The following STX11 variants were observed in gnomAD, a reference collection of about 807,000 sequenced individuals.
The protein encoded by STX11 is syntaxin-11.
A neutral mutation model predicts 19.9 loss-of-function variants in STX11; 21 were observed. The observed-to-expected ratio is 1.06, with a 90% CI of 0.75 to 1.52. The LOEUF (loss-of-function observed/expected upper bound fraction) is 1.52, where lower values mean the gene tolerates loss of function less well. Among genes scored for constraint, STX11 ranks in the 40% most tolerant of loss-of-function variants. STX11 has a pLI of 0.00. For missense variants in STX11, 438 were observed against 405.9 expected, an observed-to-expected ratio of 1.08 and a Z score of -0.68; for synonymous variants, 193 against 174.4, an observed-to-expected ratio of 1.11 and a Z score of -0.84.
upstream of STX11, among the ~76,000 whole-genome samples, chr6:144,147,627 A>G (rs1800900873): frequency 6.6e-6 from 1 of 152,320 alleles, no homozygotes; most frequent in African/African-American, 2.4e-5. This position sits in a 1 kb window ranked among gnomAD's most constrained non-coding sequence, Gnocchi z 4.2. Flanking sequence ...AACTGCCTTC[A>G]TGACAACTTG....
chr6:144,173,164 G>T (rs180920597), intron 1 of STX11, among the ~76,000 whole-genome samples: 44 of 152,334 alleles, frequency 2.9e-4, no homozygotes, highest in Admixed American at 1.0e-3. Flanking sequence ...TGGGGACCCA[G>T]AGGCCTCTTT....
In STX11 at chr6:144,169,548, G is replaced by A. The variant is rs1188520377; in HGVS notation, c.-5-17075G>A. Among the ~76,000 whole-genome samples the A allele has an allele frequency of 6.6e-6, 1 of 152,066 alleles. No individual in the cohort carries two copies. The highest frequency in any genetic ancestry group is 6.6e-5 in the Admixed American group (1 of 15,258). On this transcript the variant is annotated intron_variant, in intron 1 of 1. Transcript: ENST00000367568. This position sits in a 1 kb window ranked among gnomAD's most constrained non-coding sequence, Gnocchi z 5.2. ...TTAAATGGCATGTGTTCAGTGTAAG[G>A]CTGATGGATCCACCCTTTCAATACA...
rs1801271162 is a variant in STX11, at chr6:144,159,330, A to C, written c.-6+8627A>C. 6.6e-6 allele frequency among the ~76,000 whole-genome samples: 1 copy of C among 152,250 alleles called. No homozygotes were observed. The highest frequency in any genetic ancestry group is 2.4e-5 in the African/African-American group (1 of 41,464). ...AAACAACTACCAATAAAATATGGTGAGTACCAGAAAAAGCGAAGTGAAATT... is the reference window on the plus strand; with the variant it reads ...AAACAACTACCAATAAAATATGGTGCGTACCAGAAAAAGCGAAGTGAAATT... On this transcript the variant is annotated intron_variant, in intron 1 of 1. Transcript: ENST00000367568. The surrounding 1 kb of genome is among the most constrained non-coding windows in gnomAD (Gnocchi z 4.3).
At chr6:144,143,316 G>A in the STX11 span, among the ~76,000 whole-genome samples, 1 of 152,160 alleles carries the variant, frequency 6.6e-6, no homozygotes, top group African/African-American at 2.4e-5. Context: ...TGGAGACTAT[G>A]CTCTAGCTAC....
intron 1 of STX11, among the ~76,000 whole-genome samples, chr6:144,173,606 A>G (rs141583363): frequency 6.6e-5 from 10 of 152,282 alleles, no homozygotes; most frequent in South Asian, 2.1e-4. Flanking sequence ...CAGAACTTCT[A>G]TGTAGTTATA....
rs901418183 is a variant in STX11, at chr6:144,154,001, C to T, written c.-6+3298C>T. Among the ~76,000 whole-genome samples, 1 of 152,162 alleles carries T rather than the reference C, an allele frequency of 6.6e-6. No individual in the cohort carries two copies. The highest frequency in any genetic ancestry group is 1.5e-5 in the Non-Finnish European group (1 of 68,020). ...AAATTTATTGAGTGCTTATTAAGGGCCATGTACTATCCTAGACTCACTATG... is the reference window on the plus strand; with the variant it reads ...AAATTTATTGAGTGCTTATTAAGGGTCATGTACTATCCTAGACTCACTATG... On this transcript the variant is annotated intron_variant, in intron 1 of 1. Transcript: ENST00000367568. The surrounding 1 kb of genome is among the most constrained non-coding windows in gnomAD (Gnocchi z 4.7).
intron 1 of STX11, among the ~76,000 whole-genome samples, chr6:144,179,516 C>T (rs542449028): frequency 1.1e-4 from 16 of 152,292 alleles, no homozygotes; most frequent in African/African-American, 3.8e-4. Context: ...TGACACTCTA[C>T]CTGTGGAATT....
intron 1 of STX11, among the ~76,000 whole-genome samples, chr6:144,171,624 AAGGACTCCTATTT>A (rs1332297980): frequency 2.6e-5 from 4 of 152,206 alleles, no homozygotes; most frequent in African/African-American, 9.7e-5. Context: ...CCCACTGCTC[AAGGACTCCTATTT>A]AGCACACTGT....
In STX11 at chr6:144,177,805, C is replaced by T. The variant is rs1801812428; in HGVS notation, c.-5-8818C>T. Among the ~76,000 whole-genome samples the T allele has an allele frequency of 2.0e-5, 3 of 152,186 alleles. No individual in the cohort carries two copies. On this transcript the variant is annotated intron_variant, in intron 1 of 1. Transcript: ENST00000367568. The surrounding 1 kb of genome is among the most constrained non-coding windows in gnomAD (Gnocchi z 4.4). ...GTCCTTTCCTGCTGTGGCTTCTATG[C>T]ACCTGACTGTAAAATTTACATCTCC...
the STX11 span, among the ~76,000 whole-genome samples, chr6:144,145,124 A>G: frequency 1.3e-5 from 2 of 152,256 alleles, no homozygotes; most frequent in African/African-American, 4.8e-5. Context: ...TAGTCACAAT[A>G]GCCAAAGGGT....
Position 144,191,498 on chromosome 6 carries a change from A to G in STX11, c.*4007A>G, listed in dbSNP as rs1392141436. Among the ~76,000 whole-genome samples the G allele has an allele frequency of 1.3e-5, 2 of 149,454 alleles. No individual in the cohort carries two copies. Among genetic ancestry groups the G allele is most frequent in the African/African-American group, 5.0e-5 (2 of 40,374 alleles). ...TCAGGCTCTAACATATAAAGTTCCTAACTTGACAGGAAACTACTGAAGATT... is the reference window on the plus strand; with the variant it reads ...TCAGGCTCTAACATATAAAGTTCCTGACTTGACAGGAAACTACTGAAGATT... On this transcript the variant is annotated 3_prime_UTR_variant, in exon 2 of 2. Coordinates refer to ENST00000367568, the MANE Select transcript of STX11 (RefSeq NM_003764.4).
chr6:144,149,741 G>A (rs746939569), upstream of STX11, among the ~76,000 whole-genome samples: 1 of 152,166 alleles, frequency 6.6e-6, no homozygotes, highest in Non-Finnish European at 1.5e-5. The surrounding 1 kb of genome is among the most constrained non-coding windows in gnomAD (Gnocchi z 5.1). Context: ...CTCCCAAAGT[G>A]TTAGGAATAC....
chr6:144,149,522 G>T (rs1800938806), upstream of STX11, among the ~76,000 whole-genome samples: 1 of 152,184 alleles, frequency 6.6e-6, no homozygotes, highest in Non-Finnish European at 1.5e-5. The surrounding 1 kb of genome is among the most constrained non-coding windows in gnomAD (Gnocchi z 5.1). Flanking sequence ...TGTCGCCCAG[G>T]CTGGAGTACA....
rs1802106596 is a variant in STX11 at position 144,187,959 on chromosome 6, A to G, written c.*468A>G. 2 of 288,222 alleles carry G rather than the reference A, an allele frequency of 6.9e-6. No homozygotes were observed. Among genetic ancestry groups the G allele is most frequent in the Non-Finnish European group, 1.4e-5 (2 of 141,506 alleles). The allele number at this position is 288,222 out of a possible 1,614,324, so 17.9% of individuals were successfully genotyped here. ...CATTTTGAGCGAAATTGGCCTTGGG[A>G]AAAACCACGTTCTTCCTTTCCGATT... is the stretch of plus-strand genomic sequence containing the variant. On this transcript the variant is annotated 3_prime_UTR_variant, in exon 2 of 2. Coordinates refer to ENST00000367568, the MANE Select transcript of STX11 (RefSeq NM_003764.4). This position sits in a 1 kb window ranked among gnomAD's most constrained non-coding sequence, Gnocchi z 5.6.
chr6:144,168,110 G>C (rs964329733), intron 1 of STX11, among the ~76,000 whole-genome samples: 6 of 152,200 alleles, frequency 3.9e-5, no homozygotes, highest in African/African-American at 1.4e-4. Flanking sequence ...TATGTATTCT[G>C]ATTAAAAAGT....
Position 144,154,145 on chromosome 6 carries a change from C to A in STX11, c.-6+3442C>A, listed in dbSNP as rs1801075024. On this transcript the variant is annotated intron_variant, in intron 1 of 1. Coordinates refer to ENST00000367568, the MANE Select transcript of STX11 (RefSeq NM_003764.4). This position sits in a 1 kb window ranked among gnomAD's most constrained non-coding sequence, Gnocchi z 4.7. The stretch of plus-strand genomic sequence containing the variant: ...GACAGAGCCAGAAATGGATCCCAAG[C>A]ACTTGGTTCCAGAGCTTGCATTCTG... Among the ~76,000 whole-genome samples the A allele has an allele frequency of 6.6e-6, 1 of 152,186 alleles. No individual in the cohort carries two copies. Among genetic ancestry groups the A allele is most frequent in the African/African-American group, 2.4e-5 (1 of 41,458 alleles).
In STX11 at chr6:144,160,244, G is replaced by A. The variant is rs2128748819; in HGVS notation, c.-6+9541G>A. Among the ~76,000 whole-genome samples the A allele has an allele frequency of 6.6e-6, 1 of 152,220 alleles. No homozygotes were observed. The highest frequency in any genetic ancestry group is 2.4e-5 in the African/African-American group (1 of 41,516). ...TGGTCTCGAACTCCTGACCTCAGGT[G>A]AACCGCCTGCCTCAGCCTACCAAAG... On this transcript the variant is annotated intron_variant, in intron 1 of 1. Coordinates refer to ENST00000367568, the MANE Select transcript of STX11 (RefSeq NM_003764.4). This position sits in a 1 kb window ranked among gnomAD's most constrained non-coding sequence, Gnocchi z 4.3.
Position 144,154,021 on chromosome 6 carries a change from A to C in STX11, c.-6+3318A>C, listed in dbSNP as rs184333722. Reference sequence around the variant, plus strand: ...AAGGGCCATGTACTATCCTAGACTCACTATGTGCGTTAAGCCTTTTACTCG... The same window carrying C: ...AAGGGCCATGTACTATCCTAGACTCCCTATGTGCGTTAAGCCTTTTACTCG... On this transcript the variant is annotated intron_variant, in intron 1 of 1. Coordinates refer to ENST00000367568, the MANE Select transcript of STX11 (RefSeq NM_003764.4). This position sits in a 1 kb window ranked among gnomAD's most constrained non-coding sequence, Gnocchi z 4.7. Among the ~76,000 whole-genome samples the C allele has an allele frequency of 9.2e-4, 140 of 152,346 alleles. No individual in the cohort carries two copies. The highest frequency in any genetic ancestry group is 3.2e-3 in the African/African-American group (132 of 41,578).
At chr6:144,181,542 C>T (rs1801911288) in intron 1 of STX11, among the ~76,000 whole-genome samples, 2 of 139,094 alleles carry the variant, frequency 1.4e-5, no homozygotes. Flanking sequence ...TTACAGTGAG[C>T]CGAGATAGTA....
Sources: gnomAD v4.1 joint callset for allele counts (sites outside exome capture counted in the v4.1 genomes callset) on GRCh38, gnomAD v4.1.1 for gene constraint, Gnocchi (gnomAD v3.1) non-coding constraint, MANE v1.5 for transcripts, NCBI Gene and HGNC (gene_info 2026-07-23, HGNC 2026-07-21) for gene names.